Variants in ATG2B observed in about 807,000 individuals in gnomAD.
ATG2B encodes autophagy related 2B.
In ATG2B, 121 loss-of-function variants were observed where a neutral mutation model predicts 241.3. The observed-to-expected ratio is 0.50, with a 90% CI of 0.43 to 0.58. ATG2B has a LOEUF of 0.58. ATG2B is among the 20% of genes least tolerant of loss of function. ATG2B has a pLI of 0.00. For missense variants in ATG2B, 2,306 were observed against 2,491.6 expected (o/e 0.93, Z 1.59); for synonymous variants, 858 against 876.6 (o/e 0.98, Z 0.37).
chr14:96,358,355 T>C (rs986399092), intron 1 of ATG2B, among the ~76,000 whole-genome samples: 1 of 152,126 alleles, frequency 6.6e-6, no homozygotes. Flanking sequence ...GAGGATCGCT[T>C]GAACCCATGA....
chr14:96,350,182 T>C (rs2139903085), intron 1 of ATG2B, among the ~76,000 whole-genome samples: 1 of 152,020 alleles, frequency 6.6e-6, no homozygotes, highest in Non-Finnish European at 1.5e-5. Flanking sequence ...AATAAACAAA[T>C]GGGTAACTGA....
chr14:96,291,048 T>C, intron 38 of ATG2B, 113 bp from the exon 39 acceptor site: 1 of 849,982 alleles, frequency 1.2e-6, no homozygotes, highest in Non-Finnish European at 1.8e-6. Flanking sequence ...AGGGCAAATA[T>C]TACAGGTGCT....
At chr14:96,318,348 A>G (rs1040513831) in intron 18 of ATG2B, 1 of 152,232 alleles carries the variant, frequency 6.6e-6, no homozygotes, top group Non-Finnish European at 1.5e-5. Context: ...CACCTGAAGA[A>G]ACTGTCTCAT....
intron 38 of ATG2B, among the ~76,000 whole-genome samples, 159 bp downstream of exon 38, chr14:96,291,441 A>G (rs185060021): frequency 5.3e-5 from 8 of 152,368 alleles, no homozygotes; most frequent in African/African-American, 1.9e-4. Context: ...CCCTCAGAAT[A>G]GAAATCAGTG....
At chr14:96,342,886 A>ATTTC (rs1281156755) in intron 5 of ATG2B, among the ~76,000 whole-genome samples, 1 of 152,130 alleles carries the variant, frequency 6.6e-6, no homozygotes, top group East Asian at 1.9e-4. Flanking sequence ...TTCCCCCAAG[A>ATTTC]TACAGTACCC....
intron 2 of ATG2B, among the ~76,000 whole-genome samples, chr14:96,346,815 A>G (rs933261197): frequency 6.6e-6 from 1 of 152,172 alleles, no homozygotes; most frequent in Non-Finnish European, 1.5e-5. Context: ...TGGCCAAGGG[A>G]AGCCCCCTGA....
At chr14:96,295,435 C>T in intron 35 of ATG2B, 47 bp downstream of exon 35, 1 of 1,297,140 alleles carries the variant, frequency 7.7e-7, no homozygotes, top group East Asian at 2.3e-5. Flanking sequence ...CAATTAAAAT[C>T]AATCCAAGTA....
chr14:96,332,335 G>C lies in ATG2B; in HGVS notation c.1438C>G (p.Leu480Val). 2 of 1,613,688 alleles carry C rather than the reference G, an allele frequency of 1.2e-6. No individual in the cohort carries two copies. Among genetic ancestry groups the C allele is most frequent in the Admixed American group, 1.7e-5 (1 of 60,016 alleles). The change falls in exon 10 of 42, where the codon CTA (leucine) becomes GTA (valine). Residue 480 changes from leucine to valine, a missense_variant. Leu to Val is a conservative substitution (Grantham distance 32). Transcript: ENST00000359933. Reference protein sequence around the residue: ...PVRGSTFPSNLVHPTPLQKTS... With the variant: ...PVRGSTFPSNVVHPTPLQKTS... The stretch of plus-strand genomic sequence containing the variant: ...TTCTGTAAAGGTGTTGGGTGAACTA[G>C]GTTGGATGGAAATGTTGACCCTCTT...
chr14:96,287,322 T>C (rs1387918361), intron 41 of ATG2B, among the ~76,000 whole-genome samples: 2 of 148,778 alleles, frequency 1.3e-5, no homozygotes, highest in African/African-American at 2.5e-5. Flanking sequence ...TTAAAAACTA[T>C]CTAGAGGATA....
chr14:96,287,241 G>C (rs1328949728), intron 41 of ATG2B, among the ~76,000 whole-genome samples: 1 of 106,124 alleles, frequency 9.4e-6, no homozygotes, highest in African/African-American at 3.9e-5. Context: ...GCAACAGAGC[G>C]AGACTCCGTC....
intron 2 of ATG2B, among the ~76,000 whole-genome samples, chr14:96,346,885 T>G (rs1888182528): frequency 6.6e-6 from 1 of 152,234 alleles, no homozygotes; most frequent in Non-Finnish European, 1.5e-5. Context: ...CTTCTTTGCT[T>G]TCTGGCACAA....
intron 28 of ATG2B, among the ~76,000 whole-genome samples, chr14:96,310,000 C>A (rs1278074662): frequency 6.6e-6 from 1 of 152,112 alleles, no homozygotes; most frequent in East Asian, 1.9e-4. Context: ...TTCTTGGACA[C>A]CTAACAACAG....
In ATG2B at chr14:96,305,832, G is replaced by A. The variant is rs752706372; in HGVS notation, c.4507-17C>T. 5.7e-6 allele frequency: 9 copies of A among 1,586,234 alleles called. No homozygotes were observed. Among genetic ancestry groups the A allele is most frequent in the Admixed American group, 1.7e-5 (1 of 59,876 alleles). On this transcript the variant is annotated splice_polypyrimidine_tract_variant and intron_variant, in intron 30 of 41. Coordinates refer to ENST00000359933, the MANE Select transcript of ATG2B (RefSeq NM_018036.7). ...TTCCTTCTCCTAAAATAAACAAACAGGTAACACATACTCTCTTTTCTAATT... is the reference window on the plus strand; with the variant it reads ...TTCCTTCTCCTAAAATAAACAAACAAGTAACACATACTCTCTTTTCTAATT...
chr14:96,353,828 C>G (rs1031543953), intron 1 of ATG2B, among the ~76,000 whole-genome samples: 2 of 151,784 alleles, frequency 1.3e-5, no homozygotes, highest in Non-Finnish European at 2.9e-5. Context: ...ATATAAATTA[C>G]AATGGAATCT....
At chr14:96,334,312 T>C (rs556667019) in intron 7 of ATG2B, 93 bp downstream of exon 7, 11 of 757,798 alleles carry the variant, frequency 1.5e-5, no homozygotes, top group Admixed American at 3.3e-5. Context: ...TCAAAAATAA[T>C]AGACTTTCCT....
At chr14:96,351,501 T>A (rs1249577821) in intron 1 of ATG2B, among the ~76,000 whole-genome samples, 1 of 152,044 alleles carries the variant, frequency 6.6e-6, no homozygotes, top group Admixed American at 6.5e-5. Context: ...TTTGGGAGGC[T>A]GAGGCAGGCA....
At chr14:96,361,722 GGGGTAGGACTCTCAC>G in intron 1 of ATG2B, among the ~76,000 whole-genome samples, 1 of 152,144 alleles carries the variant, frequency 6.6e-6, no homozygotes, top group Non-Finnish European at 1.5e-5. Flanking sequence ...AGTCTCTCCA[GGGGTAGGACTCTCAC>G]CTCCTGGTGA....
Position 96,290,191 on chromosome 14 carries a change from C to T in ATG2B, c.5856+245G>A. The T allele has an allele frequency of 7.7e-7, 1 of 1,296,936 alleles. No homozygotes were observed. Among genetic ancestry groups the T allele is most frequent in the South Asian group, 2.1e-5 (1 of 47,898 alleles). The allele number at this position is 1,296,936 out of a possible 1,614,324, so 80.3% of individuals were successfully genotyped here. A position where few individuals can be genotyped will look rare whatever the true frequency, so the allele number is the denominator to read the frequency against. On this transcript the variant is annotated intron_variant, in intron 40 of 41. Transcript: ENST00000359933. The surrounding 1 kb of genome is among the most constrained non-coding windows in gnomAD (Gnocchi z 4.4). ...CAAATATGGTGAAATCAATCCTCTGCTAACTTAATGTTTACAATTTACCTG... is the reference window on the plus strand; with the variant it reads ...CAAATATGGTGAAATCAATCCTCTGTTAACTTAATGTTTACAATTTACCTG...
intron 1 of ATG2B, among the ~76,000 whole-genome samples, chr14:96,361,294 CAAT>C (rs1888621013): frequency 6.6e-6 from 1 of 152,166 alleles, no homozygotes; most frequent in Non-Finnish European, 1.5e-5. Flanking sequence ...AATACATACT[CAAT>C]AAACATTAAC....
Sources: gnomAD v4.1 joint callset for allele counts (sites outside exome capture counted in the v4.1 genomes callset) on GRCh38, gnomAD v4.1.1 for gene constraint, Gnocchi (gnomAD v3.1) non-coding constraint, MANE v1.5 for transcripts, NCBI Gene and HGNC (gene_info 2026-07-23, HGNC 2026-07-21) for gene names.